Variants in S100Z observed in about 807,000 individuals in gnomAD.
The protein encoded by S100Z is S100 calcium binding protein Z.
Under a neutral mutation model 8.5 loss-of-function variants are expected in S100Z, and 11 were observed. That is an observed-to-expected ratio of 1.30 (90% CI 0.82 to 2.15). S100Z has a LOEUF of 2.15. Among genes scored for constraint, S100Z ranks in the 30% most tolerant of loss-of-function variants. The pLI, the probability that S100Z is intolerant of heterozygous loss-of-function variation, is 0.00. For synonymous variants in S100Z, 34 were observed against 43.8 expected (o/e 0.78, Z 0.89); for missense variants, 126 against 117.9 (o/e 1.07, Z -0.32).
chr5:76,888,358 A>G, intron 4 of S100Z, among the ~76,000 whole-genome samples: 2 of 136,474 alleles, frequency 1.5e-5, no homozygotes, highest in African/African-American at 5.4e-5. Flanking sequence ...TTCCTGGGAA[A>G]GTGCTGGTAT....
chr5:76,872,723 G>T (rs763367184), intron 2 of S100Z, among the ~76,000 whole-genome samples: 11 of 152,306 alleles, frequency 7.2e-5, no homozygotes, highest in Admixed American at 4.6e-4. Context: ...CATTTTGGGA[G>T]GCCAAGGCAG....
the S100Z span, among the ~76,000 whole-genome samples, chr5:76,945,669 A>C: frequency 1.3e-5 from 2 of 152,136 alleles, no homozygotes; most frequent in Non-Finnish European, 2.9e-5. Flanking sequence ...TATTTGTGAC[A>C]CAGATTCCTT....
intron 1 of S100Z, among the ~76,000 whole-genome samples, chr5:76,862,851 G>A (rs1227989580): frequency 6.6e-6 from 1 of 151,996 alleles, no homozygotes; most frequent in East Asian, 1.9e-4. Context: ...TGCAATAAAG[G>A]GGCTCTTGAG....
the S100Z span, among the ~76,000 whole-genome samples, chr5:76,930,337 T>C: frequency 3.9e-5 from 6 of 152,322 alleles, no homozygotes; most frequent in South Asian, 1.0e-3. Context: ...GGCAACATGA[T>C]GATTGCACAT....
chr5:76,878,443 T>G (rs1178921176), intron 4 of S100Z, among the ~76,000 whole-genome samples: 1 of 152,180 alleles, frequency 6.6e-6, no homozygotes, highest in Non-Finnish European at 1.5e-5. Context: ...GAGGCAAGTG[T>G]TTGACACTAT....
At chr5:76,931,801 A>G in the S100Z span, among the ~76,000 whole-genome samples, 2 of 151,640 alleles carry the variant, frequency 1.3e-5, no homozygotes, top group Admixed American at 6.6e-5. Context: ...GGTTTTTTTT[A>G]TTCTTCTTTT....
chr5:76,948,827 T>A, the S100Z span: 2 of 152,150 alleles, frequency 1.3e-5, no homozygotes, highest in Non-Finnish European at 2.9e-5. Context: ...ACATTCCCCT[T>A]GACAAGAGGA....
the S100Z span, among the ~76,000 whole-genome samples, chr5:76,931,326 T>C: frequency 6.6e-6 from 1 of 152,116 alleles, no homozygotes; most frequent in Non-Finnish European, 1.5e-5. Flanking sequence ...TTGCCCAGGC[T>C]TGTCTTGAAC....
At chr5:76,912,831 AAAGAGACAGAAAGAGAGAGAGAGAGG>A (rs1395194146) in intron 4 of S100Z, among the ~76,000 whole-genome samples, 13 of 152,112 alleles carry the variant, frequency 8.5e-5, no homozygotes, top group Admixed American at 4.6e-4. Context: ...GAAAAGAGAG[AAAGAGACAGAAAGAGAGAGAGAGAGG>A]AAGAGACAGA....
At chr5:76,892,075 T>C (rs1396890935) in intron 4 of S100Z, among the ~76,000 whole-genome samples, 4 of 152,166 alleles carry the variant, frequency 2.6e-5, no homozygotes, top group African/African-American at 9.6e-5. Context: ...CAGGTTATTA[T>C]TATGTACCTT....
chr5:76,924,979 G>T (rs888447203), downstream of S100Z, among the ~76,000 whole-genome samples: 3 of 152,144 alleles, frequency 2.0e-5, no homozygotes, highest in African/African-American at 7.2e-5. Context: ...GAGTGGCTTG[G>T]CTGGTGAGTT....
At chr5:76,917,042 C>T (rs150800805) in intron 4 of S100Z, among the ~76,000 whole-genome samples, 1 of 143,728 alleles carries the variant, frequency 7.0e-6, no homozygotes, top group African/African-American at 2.6e-5. Flanking sequence ...AGGAGAATGG[C>T]TTGAACCCAG....
chr5:76,875,567 C>G (rs2150640703), intron 3 of S100Z, 67 bp downstream of exon 3: 2 of 1,434,860 alleles, frequency 1.4e-6, no homozygotes, highest in South Asian at 2.6e-5. Flanking sequence ...CCAGGACAGC[C>G]TTTGGGTTCA....
intron 4 of S100Z, among the ~76,000 whole-genome samples, chr5:76,917,013 C>G (rs1052512138): frequency 6.7e-6 from 1 of 150,360 alleles, no homozygotes; most frequent in Non-Finnish European, 1.5e-5. Flanking sequence ...GCAGTCCCAG[C>G]TACTTGGGAG....
chr5:76,853,796 TAA>T (rs769640944), intron 1 of S100Z, among the ~76,000 whole-genome samples: 17 of 138,098 alleles, frequency 1.2e-4, no homozygotes, highest in South Asian at 2.3e-4. Flanking sequence ...GACTCCATCT[TAA>T]AAAAAAAAAA....
intron 1 of S100Z, among the ~76,000 whole-genome samples, chr5:76,854,481 A>G (rs1750824988): frequency 6.6e-6 from 1 of 152,232 alleles, no homozygotes; most frequent in Admixed American, 6.5e-5. Flanking sequence ...CCCCTGCCCT[A>G]GAGATCTGTG....
chr5:76,917,454 A>C (rs556034901), intron 4 of S100Z, among the ~76,000 whole-genome samples: 1 of 152,304 alleles, frequency 6.6e-6, no homozygotes, highest in Non-Finnish European at 1.5e-5. Flanking sequence ...TCATGATCAC[A>C]CACAAGTTTA....
chr5:76,896,770 T>G (rs972361524), intron 4 of S100Z, among the ~76,000 whole-genome samples: 1 of 152,248 alleles, frequency 6.6e-6, no homozygotes, highest in Non-Finnish European at 1.5e-5. Flanking sequence ...AGCTTTGATA[T>G]GCATTTCTCT....
At chr5:76,869,101 A>G (rs1365977915) in intron 1 of S100Z, among the ~76,000 whole-genome samples, 3 of 152,176 alleles carry the variant, frequency 2.0e-5, no homozygotes, top group Non-Finnish European at 1.5e-5. Context: ...TTTGTTTATG[A>G]ATTCATCCAT....
Sources: gnomAD v4.1 joint callset for allele counts (sites outside exome capture counted in the v4.1 genomes callset) on GRCh38, gnomAD v4.1.1 for gene constraint, MANE v1.5 for transcripts, NCBI Gene and HGNC (gene_info 2026-07-23, HGNC 2026-07-21) for gene names.